Variants in DOP1A observed in about 807,000 individuals in gnomAD.
DOP1A encodes the protein protein DOP1A.
Under a neutral mutation model 267.6 loss-of-function variants are expected in DOP1A, and 90 were observed. The observed-to-expected ratio is 0.34, with a 90% confidence interval of 0.28 to 0.40. DOP1A has a LOEUF of 0.40. Ranked by LOEUF, DOP1A falls within the 10% of genes least tolerant of loss-of-function variation. DOP1A has a pLI of 1.00. For missense variants in DOP1A, 2,437 were observed against 2,900.4 expected (o/e 0.84, Z 3.67); for synonymous variants, 932 against 999.1 (o/e 0.93, Z 1.27).
rs1488551457 is a variant in DOP1A at position 83,138,715 on chromosome 6, G to A, written c.4673G>A (p.Gly1558Asp). The A allele has an allele frequency of 1.2e-6, 2 of 1,614,034 alleles. No individual in the cohort carries two copies. The highest frequency in any genetic ancestry group is 2.2e-5 in the South Asian group (2 of 91,074). Residue 1558 changes from glycine (G) to aspartate (D), a missense_variant, in exon 21 of 39, where the codon GGT (glycine) becomes GAT (aspartate). Gly to Asp is a moderately conservative substitution (Grantham distance 94, BLOSUM62 -1). Around this residue, in one of 9 missense-constraint regions of DOP1A, gnomAD observed 878 missense variants for 992.9 expected, o/e 0.88. Coordinates refer to ENST00000349129, the MANE Select transcript of DOP1A (RefSeq NM_015018.4). ...AGKNLVAVEE[G>D]FSEDSLINFS... ...AAGAACCTGGTTGCTGTGGAAGAAGGTTTCTCAGAGGACAGCCTTATTAAT... is the reference window on the plus strand; with the variant it reads ...AAGAACCTGGTTGCTGTGGAAGAAGATTTCTCAGAGGACAGCCTTATTAAT...
chr6:83,126,699 G>A (rs1157307310), intron 15 of DOP1A, among the ~76,000 whole-genome samples: 6 of 152,132 alleles, frequency 3.9e-5, no homozygotes, highest in African/African-American at 1.2e-4. Context: ...TTGGTGTGGT[G>A]AGGGAGGTAA....
intron 3 of DOP1A, among the ~76,000 whole-genome samples, chr6:83,097,660 G>A (rs1433482338): frequency 6.6e-6 from 1 of 152,054 alleles, no homozygotes; most frequent in Non-Finnish European, 1.5e-5. Flanking sequence ...TTTTTATTCA[G>A]TTATTGTTGT....
At chr6:83,103,079 G>T (rs1772888200) in intron 4 of DOP1A, among the ~76,000 whole-genome samples, 1 of 152,040 alleles carries the variant, frequency 6.6e-6, no homozygotes, top group Non-Finnish European at 1.5e-5. Context: ...ATTGTGATGT[G>T]TTTTTAGGTA....
chr6:83,158,452 T>A (rs1486670209), intron 35 of DOP1A, 115 bp from the exon 36 acceptor site: 1 of 825,918 alleles, frequency 1.2e-6, no homozygotes, highest in African/African-American at 1.8e-5. Flanking sequence ...ATTTAAAAGA[T>A]TCTGAAAATG....
chr6:83,125,367 AGTGTT>A, intron 14 of DOP1A, 128 bp from the exon 15 acceptor site: 10 of 1,001,946 alleles, frequency 1.0e-5, no homozygotes, highest in Non-Finnish European at 1.4e-5. Flanking sequence ...TAAAATATAC[AGTGTT>A]AATTAAGAGC....
At chr6:83,136,889 C>T (rs1778944196) in intron 20 of DOP1A, among the ~76,000 whole-genome samples, 1 of 152,004 alleles carries the variant, frequency 6.6e-6, no homozygotes, top group Non-Finnish European at 1.5e-5. Flanking sequence ...AGAAGACCGT[C>T]ATTATTGTAT....
intron 26 of DOP1A, among the ~76,000 whole-genome samples, 184 bp from the exon 27 acceptor site, chr6:83,148,575 A>T (rs937337558): frequency 6.6e-6 from 1 of 152,074 alleles, no homozygotes; most frequent in Non-Finnish European, 1.5e-5. Context: ...TCTCTGTTTT[A>T]AAAAAAAGAA....
Position 83,140,238 on chromosome 6 carries a change from C to A in DOP1A, c.5250C>A (p.Asp1750Glu), listed in dbSNP as rs1251820795. 2 of 1,612,244 alleles carry A rather than the reference C, an allele frequency of 1.2e-6. No individual in the cohort carries two copies. The highest frequency in any genetic ancestry group is 1.7e-6 in the Non-Finnish European group (2 of 1,179,506). Reference sequence around the variant, plus strand: ...GTTAATAGCTTTTGGTCAGTGTAGACCAGAAACACTTGTTTGAAGCACGCA... The same window carrying A: ...GTTAATAGCTTTTGGTCAGTGTAGAACAGAAACACTTGTTTGAAGCACGCA... ...TQYHQLLVSV[D>E]QKHLFEARSG... Residue 1750 changes from aspartate (D) to glutamate (E), a missense_variant, in exon 23 of 39, where the codon GAC becomes GAA. Transcript: ENST00000349129.
chr6:83,163,359 A>G (rs1327784101), intron 38 of DOP1A, among the ~76,000 whole-genome samples: 5 of 152,172 alleles, frequency 3.3e-5, no homozygotes, highest in African/African-American at 1.2e-4. Flanking sequence ...AATACAGTAC[A>G]AAAGGGATTT....
chr6:83,126,532 A>G lies in DOP1A; in HGVS notation c.1719+799A>G, dbSNP rs182622344. On this transcript the variant is annotated intron_variant, in intron 15 of 38. Transcript: ENST00000349129. The stretch of plus-strand genomic sequence containing the variant: ...CTTCCTTTCTAATTGGAAGAAAGAT[A>G]TTATACAAGTAAGTGCACATTTAAT... Among the ~76,000 whole-genome samples the G allele has an allele frequency of 2.6e-5, 4 of 152,240 alleles. No individual in the cohort carries two copies. The East Asian group carries it at 7.7e-4, about 29-fold the overall frequency.
intron 23 of DOP1A, among the ~76,000 whole-genome samples, chr6:83,141,634 G>GACTT (rs1199406673): frequency 6.6e-6 from 1 of 152,108 alleles, no homozygotes; most frequent in East Asian, 1.9e-4. Context: ...CTCTATATCA[G>GACTT]ACTTACTAAG....
At chr6:83,152,148 CT>C (rs1781799707) in intron 29 of DOP1A, 121 bp downstream of exon 29, 4 of 1,172,030 alleles carry the variant, frequency 3.4e-6, no homozygotes, top group Admixed American at 2.8e-5. Flanking sequence ...TAACAAGTAA[CT>C]TTTTTTCAGT....
At chr6:83,076,430 G>A (rs1767103480) in intron 1 of DOP1A, among the ~76,000 whole-genome samples, 1 of 152,178 alleles carries the variant, frequency 6.6e-6, no homozygotes, top group Non-Finnish European at 1.5e-5. Context: ...GCTGAGGCAA[G>A]GGAATCGCTT....
chr6:83,145,815 A>G (rs1231452902), intron 25 of DOP1A, among the ~76,000 whole-genome samples, 157 bp downstream of exon 25: 1 of 152,168 alleles, frequency 6.6e-6, no homozygotes, highest in Non-Finnish European at 1.5e-5. Context: ...ACAATTATCA[A>G]TATTTGTAGT....
Position 83,129,085 on chromosome 6 carries a change from A to G in DOP1A, c.1918A>G (p.Thr640Ala). 1 of 1,614,066 alleles carries G rather than the reference A, an allele frequency of 6.2e-7. No individual in the cohort carries two copies. The highest frequency in any genetic ancestry group is 8.5e-7 in the Non-Finnish European group (1 of 1,179,974). ...PIGSTSSETE[T>A]ASTVGSEETI... The stretch of plus-strand genomic sequence containing the variant: ...TGGTAGCACATCCTCTGAGACAGAA[A>G]CAGCATCCACTGTGGGATCTGAAGA... The change falls in exon 16 of 39, where the codon ACA becomes GCA. Residue 640 changes from threonine to alanine, a missense_variant. Physicochemically the swap from Thr to Ala is moderately conservative, Grantham distance 58. This residue lies in a region of DOP1A where 498 missense variants were observed against 513.5 expected (regional missense o/e 0.97). Transcript: ENST00000349129.
At chr6:83,148,954 A>G in intron 27 of DOP1A, 91 bp downstream of exon 27, 4 of 715,250 alleles carry the variant, frequency 5.6e-6, no homozygotes, top group Non-Finnish European at 8.5e-6. Context: ...TTTAGGTGAC[A>G]GTGATCTCTC....
chr6:83,165,991 G>A (rs1035879684), intron 38 of DOP1A: 4 of 326,186 alleles, frequency 1.2e-5, no homozygotes, highest in African/African-American at 8.6e-5. Flanking sequence ...TTGGCTTTGG[G>A]AAGTGCTTTG....
chr6:83,140,211 C>T lies in DOP1A; in HGVS notation c.5233-10C>T. The T allele has an allele frequency of 1.2e-6, 2 of 1,606,954 alleles. No homozygotes were observed. The highest frequency in any genetic ancestry group is 2.2e-5 in the East Asian group (1 of 44,806). ...AAGTAATATGTTTCTTTTCCCCCAACTGTTAATAGCTTTTGGTCAGTGTAG... is the reference window on the plus strand; with the variant it reads ...AAGTAATATGTTTCTTTTCCCCCAATTGTTAATAGCTTTTGGTCAGTGTAG... On this transcript the variant is annotated splice_polypyrimidine_tract_variant and intron_variant, in intron 22 of 38. Coordinates refer to ENST00000349129, the MANE Select transcript of DOP1A (RefSeq NM_015018.4).
intron 38 of DOP1A, chr6:83,166,046 C>T (rs561227520): frequency 1.9e-4 from 53 of 278,952 alleles, no homozygotes; most frequent in Non-Finnish European, 3.4e-4. Flanking sequence ...CGCCAGTTGT[C>T]GTATAAAATC....
Sources: allele counts gnomAD v4.1 joint callset (sites outside exome capture counted in the v4.1 genomes callset), GRCh38; gene constraint gnomAD v4.1.1; regional missense constraint gnomAD v4.1.1; transcripts MANE v1.5; gene names NCBI Gene and HGNC (gene_info 2026-07-23, HGNC 2026-07-21).